Variants in CXXC5 observed in about 807,000 individuals in gnomAD.
The protein encoded by CXXC5 is CXXC-type zinc finger protein 5.
In CXXC5, 2 loss-of-function variants were observed where a neutral mutation model predicts 17.6. The observed-to-expected ratio is 0.11, with a 90% CI of 0.05 to 0.36. The LOEUF (loss-of-function observed/expected upper bound fraction) is 0.36. Ranked by LOEUF, CXXC5 falls within the 10% of genes least tolerant of loss-of-function variation. CXXC5 has a pLI of 1.00. For synonymous variants in CXXC5, 171 were observed against 193.0 expected (o/e 0.89, Z 0.94); for missense variants, 343 against 458.3 (o/e 0.75, Z 2.30).
rs1754986646 is a variant in CXXC5, at chr5:139,648,594, T to A, written c.-412T>A. The stretch of plus-strand genomic sequence containing the variant: ...CGCGCTCAGCTCGGGGGTGATTAGT[T>A]GCTTTTTGTTGTTTTTTAATTTGGG... On this transcript the variant is annotated 5_prime_UTR_variant, in exon 1 of 3. Transcript: ENST00000302517. 1.3e-5 allele frequency: 2 copies of A among 150,534 alleles called. No individual in the cohort carries two copies. Among genetic ancestry groups the A allele is most frequent in the South Asian group, 4.2e-4 (2 of 4,784 alleles). The allele number at this position is 150,534 out of a possible 1,614,324, so 9.3% of individuals were successfully genotyped here. A position where few individuals can be genotyped will look rare whatever the true frequency, so the allele number is the denominator to read the frequency against.
chr5:139,664,944 G>A (rs1395937680), intron 1 of CXXC5, among the ~76,000 whole-genome samples: 1 of 152,216 alleles, frequency 6.6e-6, no homozygotes, highest in African/African-American at 2.4e-5. Flanking sequence ...AAGATGATGT[G>A]GACAGAGCAC....
intron 1 of CXXC5, among the ~76,000 whole-genome samples, chr5:139,678,318 G>C (rs2126817558): frequency 6.6e-6 from 1 of 152,348 alleles, no homozygotes; most frequent in Admixed American, 6.5e-5. Context: ...TATGAGGTGG[G>C]AGGGAACACA....
intron 1 of CXXC5, among the ~76,000 whole-genome samples, chr5:139,651,365 C>G (rs1335934788): frequency 6.6e-6 from 1 of 151,614 alleles, no homozygotes; most frequent in Non-Finnish European, 1.5e-5. Context: ...CTGGAATGTC[C>G]ACCCAGCTGG....
chr5:139,671,669 A>G (rs898348486), intron 1 of CXXC5, among the ~76,000 whole-genome samples: 21 of 152,238 alleles, frequency 1.4e-4, no homozygotes, highest in African/African-American at 5.1e-4. Flanking sequence ...CGTCTGGCCC[A>G]CCCGCAGCCC....
chr5:139,678,061 T>C (rs1399433047), intron 1 of CXXC5, among the ~76,000 whole-genome samples: 1 of 152,244 alleles, frequency 6.6e-6, no homozygotes, highest in East Asian at 1.9e-4. Context: ...CCCCTCCCCA[T>C]CTCTGCAGCC....
intron 1 of CXXC5, among the ~76,000 whole-genome samples, chr5:139,655,683 G>A (rs926388945): frequency 6.6e-6 from 1 of 151,964 alleles, no homozygotes; most frequent in Non-Finnish European, 1.5e-5. Flanking sequence ...CCTTCCCAGT[G>A]GAACAGAAAC....
chr5:139,682,735 G>A lies in CXXC5; in HGVS notation c.925-128G>A, dbSNP rs1757316732. 3 of 961,592 alleles carry A rather than the reference G, an allele frequency of 3.1e-6. No homozygotes were observed. The African/African-American group carries it at 5.1e-5, about 16-fold the overall frequency. The allele number at this position is 961,592 out of a possible 1,614,324, so 59.6% of individuals were successfully genotyped here. On this transcript the variant is annotated intron_variant, in intron 2 of 2. Coordinates refer to ENST00000302517, the MANE Select transcript of CXXC5 (RefSeq NM_016463.9). Reference sequence around the variant, plus strand: ...CTGGCTGGGGTGGCAGGAGCTCCGAGGGGTGGCTGCTCTTCCTCCATGCCT... The same window carrying A: ...CTGGCTGGGGTGGCAGGAGCTCCGAAGGGTGGCTGCTCTTCCTCCATGCCT...
chr5:139,678,123 G>A (rs569748577), intron 1 of CXXC5, among the ~76,000 whole-genome samples: 4 of 152,344 alleles, frequency 2.6e-5, no homozygotes, highest in South Asian at 2.1e-4. Flanking sequence ...CTGGGCTGCC[G>A]GGGTTGTCGT....
intron 1 of CXXC5, among the ~76,000 whole-genome samples, chr5:139,669,435 A>G (rs900562073): frequency 1.3e-5 from 2 of 151,876 alleles, no homozygotes; most frequent in Non-Finnish European, 2.9e-5. Context: ...GAGAGAGGGT[A>G]GGTCAGGAAG....
chr5:139,664,771 T>C (rs1399271410), intron 1 of CXXC5, among the ~76,000 whole-genome samples: 1 of 152,136 alleles, frequency 6.6e-6, no homozygotes, highest in Non-Finnish European at 1.5e-5. Context: ...AAGTGTGGGC[T>C]CTAGAGTTGG....
intron 1 of CXXC5, among the ~76,000 whole-genome samples, chr5:139,677,155 G>T (rs1359817096): frequency 6.6e-6 from 1 of 152,034 alleles, no homozygotes; most frequent in Non-Finnish European, 1.5e-5. Flanking sequence ...CTCCTCAGGC[G>T]CAGTATTTCT....
chr5:139,654,978 A>G (rs1755407921), intron 1 of CXXC5, among the ~76,000 whole-genome samples: 1 of 152,084 alleles, frequency 6.6e-6, no homozygotes, highest in Admixed American at 6.5e-5. Flanking sequence ...CTCTGTGGAA[A>G]GTGGTGGCTT....
rs547726056 is a variant in CXXC5, at chr5:139,655,484, G to T, written c.-161+6639G>T. ...CTGCCGCTGAATTACTGACCCAGAG[G>T]CTGCCTCTGCCTTCTCCTAACTGTC... On this transcript the variant is annotated intron_variant, in intron 1 of 2. Coordinates refer to ENST00000302517, the MANE Select transcript of CXXC5 (RefSeq NM_016463.9). 2.0e-5 allele frequency among the ~76,000 whole-genome samples: 3 copies of T among 149,378 alleles called. No individual in the cohort carries two copies. The Admixed American group carries it at 2.0e-4, about 10-fold the overall frequency.
chr5:139,681,094 C>T lies in CXXC5; in HGVS notation c.571C>T (p.Pro191Ser). 1.2e-6 allele frequency: 2 copies of T among 1,612,798 alleles called. No individual in the cohort carries two copies. Among genetic ancestry groups the T allele is most frequent in the South Asian group, 2.2e-5 (2 of 91,086 alleles). ...GATGAGCGAGGCGGGTGCTGGCCTGCCTGACATGGAGGCTGTGGCAGGTGC... is the reference window on the plus strand; with the variant it reads ...GATGAGCGAGGCGGGTGCTGGCCTGTCTGACATGGAGGCTGTGGCAGGTGC... The part of the protein sequence containing the change: ...PLMSEAGAGL[P>S]DMEAVAGAEA... Residue 191 changes from proline to serine, a missense_variant, in exon 2 of 3, where the codon CCT becomes TCT. Pro to Ser is a moderately conservative substitution (Grantham distance 74). Transcript: ENST00000302517.
At chr5:139,660,894 C>CT (rs1369015116) in intron 1 of CXXC5, among the ~76,000 whole-genome samples, 2 of 128,956 alleles carry the variant, frequency 1.6e-5, no homozygotes, top group Admixed American at 2.0e-4. Context: ...GGAGGCCAGG[C>CT]TGCGGGCCTG....
intron 1 of CXXC5, among the ~76,000 whole-genome samples, chr5:139,662,284 C>T (rs1755862082): frequency 6.6e-6 from 1 of 152,146 alleles, no homozygotes; most frequent in African/African-American, 2.4e-5. Flanking sequence ...AAAATGGGTA[C>T]AGAGCTGGCT....
chr5:139,678,381 C>T (rs925328763), intron 1 of CXXC5, among the ~76,000 whole-genome samples: 2 of 152,156 alleles, frequency 1.3e-5, no homozygotes, highest in African/African-American at 2.4e-5. Flanking sequence ...CTCTGATGCC[C>T]CCCAACCCAG....
At position 139,661,780 on chromosome 5, in the gene CXXC5, ATGT is replaced by A. The variant is rs1755830900; in HGVS notation, c.-161+12939_-161+12941del. ...CACGGAAGAGGCCCGGCCTTCAGCC[ATGT>A]TGTGTCCACCGGGTTCTGCAAGGTG... On this transcript the variant is annotated intron_variant, in intron 1 of 2. Transcript: ENST00000302517. The surrounding 1 kb of genome is among the most constrained non-coding windows in gnomAD (Gnocchi z 4.7). Among the ~76,000 whole-genome samples the A allele has an allele frequency of 6.6e-6, 1 of 152,244 alleles. No homozygotes were observed. The highest frequency in any genetic ancestry group is 1.5e-5 in the Non-Finnish European group (1 of 68,040).
chr5:139,665,384 G>A (rs939712410), intron 1 of CXXC5, among the ~76,000 whole-genome samples: 36 of 152,244 alleles, frequency 2.4e-4, no homozygotes, highest in African/African-American at 8.4e-4. Flanking sequence ...GAGCTGGGCC[G>A]GCCATGGGTC....
Sources: allele counts gnomAD v4.1 joint callset (sites outside exome capture counted in the v4.1 genomes callset), GRCh38; gene constraint gnomAD v4.1.1; non-coding constraint Gnocchi (gnomAD v3.1); transcripts MANE v1.5; gene names NCBI Gene and HGNC (gene_info 2026-07-23, HGNC 2026-07-21).